Variants in NVL observed in about 807,000 individuals in gnomAD.
The protein encoded by NVL is nuclear valosin-containing protein-like.
Under a neutral mutation model 110.2 loss-of-function variants are expected in NVL, and 84 were observed. The observed-to-expected ratio is 0.76, with a 90% CI of 0.64 to 0.91. The LOEUF (loss-of-function observed/expected upper bound fraction) is 0.91. NVL is among the 40% of genes least tolerant of loss of function. The probability of loss-of-function intolerance (pLI) is 0.00; values close to 1 mark genes in which losing one functional copy is unlikely to be tolerated. For missense variants in NVL, 882 were observed against 1,035.9 expected (o/e 0.85, Z 2.04); for synonymous variants, 354 against 361.1 (o/e 0.98, Z 0.22).
chr1:224,309,334 C>A lies in NVL; in HGVS notation c.343-1071G>T, dbSNP rs867221557. On this transcript the variant is annotated intron_variant, in intron 5 of 22. Coordinates refer to ENST00000281701, the MANE Select transcript of NVL (RefSeq NM_002533.4). ...TAGAGTTCGAGACCATCCTGGGCAA[C>A]ACAGCGAGACCCTGTGTCTACAAAA... Among the ~76,000 whole-genome samples the A allele has an allele frequency of 5.9e-5, 9 of 152,028 alleles. 1 individual carries two copies. The highest frequency in any genetic ancestry group is 1.0e-4 in the Non-Finnish European group (7 of 68,020).
intron 17 of NVL, chr1:224,269,750 T>TTTTC (rs1664871882): frequency 6.7e-6 from 1 of 150,212 alleles, no homozygotes; most frequent in African/African-American, 2.4e-5. Context: ...TTTCTTTCTT[T>TTTTC]TTTCTTTTTT....
intron 12 of NVL, among the ~76,000 whole-genome samples, chr1:224,293,422 G>A (rs762671859): frequency 4.6e-5 from 7 of 152,152 alleles, no homozygotes; most frequent in Non-Finnish European, 2.9e-5. Context: ...TGCTTCCTGA[G>A]ATAGTCTCGC....
In NVL at chr1:224,269,082, A is replaced by G. The variant is rs528870648; in HGVS notation, c.2083-949T>C. ...GTTGTATACCAACTTTGGTGAGACTAACTTTTTTTTTTTTTTTTTTTTTGA... is the reference window on the plus strand; with the variant it reads ...GTTGTATACCAACTTTGGTGAGACTGACTTTTTTTTTTTTTTTTTTTTTGA... On this transcript the variant is annotated intron_variant, in intron 17 of 22. Transcript: ENST00000281701. Among the ~76,000 whole-genome samples, 3 of 112,988 alleles carry G rather than the reference A, an allele frequency of 2.7e-5. No individual in the cohort carries two copies. The Admixed American group carries it at 3.9e-4, about 15-fold the overall frequency. 74.1% of individuals were successfully genotyped at this position (112,988 alleles called of 152,430 possible).
intron 6 of NVL, among the ~76,000 whole-genome samples, chr1:224,306,389 C>T (rs993166185): frequency 1.3e-5 from 2 of 152,126 alleles, no homozygotes; most frequent in Non-Finnish European, 2.9e-5. Flanking sequence ...GCCTCAGCCT[C>T]CTAAGTAGCT....
At chr1:224,303,584 T>C (rs1482723263) in intron 9 of NVL, 139 bp downstream of exon 9, 2 of 723,496 alleles carry the variant, frequency 2.8e-6, no homozygotes, top group Non-Finnish European at 4.3e-6. Flanking sequence ...ACCAGCATGA[T>C]AACAAAGGGA....
intron 10 of NVL, among the ~76,000 whole-genome samples, chr1:224,297,111 C>G (rs934811836): frequency 6.6e-6 from 1 of 152,134 alleles, no homozygotes; most frequent in Non-Finnish European, 1.5e-5. Flanking sequence ...GCACCAGAAG[C>G]TTTTTAAAAA....
At chr1:224,261,952 C>A (rs539129276) in intron 18 of NVL, among the ~76,000 whole-genome samples, 1 of 152,056 alleles carries the variant, frequency 6.6e-6, no homozygotes, top group South Asian at 2.1e-4. Context: ...TAGAGTGAGA[C>A]CCTGTCTCAA....
intron 6 of NVL, among the ~76,000 whole-genome samples, chr1:224,306,139 C>T (rs1668890471): frequency 6.6e-6 from 1 of 152,194 alleles, no homozygotes; most frequent in African/African-American, 2.4e-5. Context: ...CACCTGTAGC[C>T]CCAGCTACTT....
Position 224,304,983 on chromosome 1 carries a change from C to A in NVL, c.748+51G>T, listed in dbSNP as rs527357259. The stretch of plus-strand genomic sequence containing the variant: ...CAAAATAGCTTGGGACAGAATGATG[C>A]TTCTCTCACTGCAAACATGACCACT... On this transcript the variant is annotated intron_variant, in intron 7 of 22. Transcript: ENST00000281701. The A allele has an allele frequency of 1.0e-5, 16 of 1,596,148 alleles. No individual in the cohort carries two copies. The African/African-American group carries it at 1.6e-4, about 16-fold the overall frequency.
At chr1:224,288,655 G>T (rs1266025801) in intron 13 of NVL, among the ~76,000 whole-genome samples, 2 of 152,164 alleles carry the variant, frequency 1.3e-5, no homozygotes, top group Admixed American at 6.5e-5. Context: ...AAAAGATCTG[G>T]ATTGAAGCCC....
intron 18 of NVL, among the ~76,000 whole-genome samples, chr1:224,266,857 C>T (rs1298759369): frequency 1.3e-5 from 2 of 152,140 alleles, no homozygotes; most frequent in African/African-American, 4.8e-5. Context: ...GATACATTAC[C>T]AACATCATTT....
chr1:224,244,144 G>GA (rs1209189675), intron 19 of NVL, among the ~76,000 whole-genome samples: 1 of 151,310 alleles, frequency 6.6e-6, no homozygotes, highest in African/African-American at 2.4e-5. Context: ...AAGGAGGGCG[G>GA]ATCACATGAG....
At chr1:224,242,398 T>C (rs1244143707) in intron 19 of NVL, among the ~76,000 whole-genome samples, 1 of 152,316 alleles carries the variant, frequency 6.6e-6, no homozygotes, top group Admixed American at 6.5e-5. Context: ...ACATTATATG[T>C]TATGAAATAC....
In NVL at chr1:224,317,930, A is replaced by G; in HGVS notation, c.132T>C (p.Ser44=). Residue 44 remains serine, a splice_region_variant and synonymous_variant, in exon 3 of 23, where the codon AGT becomes AGC. Coordinates refer to ENST00000281701, the MANE Select transcript of NVL (RefSeq NM_002533.4). ...VLASDLQRVY[S]IDYGRRKRNA... is the part of the protein sequence containing the mutation. ...TTCTTTTTCTTCGACCATAGTCTAT[A>G]CTGAAAAAAGAAAACAAGAAGTTTA... 3 of 1,585,890 alleles carry G rather than the reference A, an allele frequency of 1.9e-6. No homozygotes were observed. In the South Asian group the frequency reaches 3.5e-5, roughly 18 times the overall value.
intron 9 of NVL, chr1:224,301,906 C>A (rs1668458704): frequency 6.3e-6 from 1 of 159,526 alleles, no homozygotes; most frequent in African/African-American, 2.4e-5. Flanking sequence ...GAACCCAACT[C>A]TAATTTGGGA....
chr1:224,251,203 G>A (rs1167946220), intron 18 of NVL, among the ~76,000 whole-genome samples: 1 of 138,866 alleles, frequency 7.2e-6, no homozygotes, highest in African/African-American at 2.6e-5. Flanking sequence ...GAGCCTGGGA[G>A]ATGGAGGTTG....
intron 15 of NVL, among the ~76,000 whole-genome samples, chr1:224,282,998 C>T (rs1245831919): frequency 6.6e-6 from 1 of 152,208 alleles, no homozygotes; most frequent in Non-Finnish European, 1.5e-5. Flanking sequence ...CATTCAAGGA[C>T]ATTTTCTATT....
chr1:224,229,730 G>T (rs940936061), intron 22 of NVL, among the ~76,000 whole-genome samples: 6 of 152,192 alleles, frequency 3.9e-5, no homozygotes, highest in African/African-American at 1.4e-4. Context: ...TTACAGAAGT[G>T]AGCCACCGCG....
chr1:224,261,795 G>GTT (rs111734612), intron 18 of NVL, among the ~76,000 whole-genome samples: 3 of 143,192 alleles, frequency 2.1e-5, no homozygotes, highest in Non-Finnish European at 3.1e-5. Context: ...CTACAAAAAA[G>GTT]TTTTTTTTTT....
Sources: allele counts gnomAD v4.1 joint callset (sites outside exome capture counted in the v4.1 genomes callset), GRCh38; gene constraint gnomAD v4.1.1; transcripts MANE v1.5; gene names NCBI Gene and HGNC (gene_info 2026-07-23, HGNC 2026-07-21).